Variants in LRRN2 observed in about 807,000 individuals in gnomAD.
LRRN2 encodes leucine-rich repeat neuronal protein 2.
LRRN2 carries 10 observed loss-of-function variants against 35.7 expected under a neutral mutation model. The ratio of observed to expected loss-of-function variants is 0.28; its 90% CI spans 0.17 to 0.47. LRRN2 has a LOEUF of 0.47. LRRN2 is among the 20% of genes least tolerant of loss of function. The pLI is 0.99. For missense variants in LRRN2, 731 were observed against 940.3 expected (o/e 0.78, Z 2.91); for synonymous variants, 391 against 409.6 (o/e 0.95, Z 0.55).
chr1:204,682,303 A>T (rs1668973380), intron 1 of LRRN2, among the ~76,000 whole-genome samples: 1 of 152,188 alleles, frequency 6.6e-6, no homozygotes, highest in South Asian at 2.1e-4. Flanking sequence ...TTCCTTCAGG[A>T]AGCCTTCCTT....
chr1:204,631,802 C>G (rs895553836), intron 1 of LRRN2, among the ~76,000 whole-genome samples: 3 of 152,134 alleles, frequency 2.0e-5, no homozygotes, highest in Non-Finnish European at 4.4e-5. Context: ...AAGTGAGTTC[C>G]AAGCAGTGAG....
At chr1:204,655,249 C>T (rs1668322970) in intron 1 of LRRN2, among the ~76,000 whole-genome samples, 1 of 152,202 alleles carries the variant, frequency 6.6e-6, no homozygotes, top group South Asian at 2.1e-4. Context: ...GGCATCCCTA[C>T]TTCAGGTCTC....
In LRRN2 at chr1:204,620,280, G is replaced by A. The variant is rs140123961; in HGVS notation, c.-226-62C>T. ...AGAAGCAGTATCTACCCCTCCTCCC[G>A]TGTTTGTTTGTTTGAGACAGAGTCT... On this transcript the variant is annotated intron_variant, in intron 1 of 1. Transcript: ENST00000367177. 1,015 of 1,193,856 alleles carry A rather than the reference G, an allele frequency of 8.5e-4. 4 individuals carry two copies. The African/African-American group carries it at 0.013, about 15-fold the overall frequency. 74.0% of individuals were successfully genotyped at this position (1,193,856 alleles called of 1,614,324 possible).
intron 1 of LRRN2, among the ~76,000 whole-genome samples, chr1:204,655,307 AG>A (rs56952945): frequency 0.063 from 9,648 of 152,174 alleles, 841 homozygotes; most frequent in African/African-American, 0.19. Flanking sequence ...TGTTTTCTTG[AG>A]ACAGGGTCTT....
intron 1 of LRRN2, among the ~76,000 whole-genome samples, chr1:204,632,482 T>C (rs1428463278): frequency 6.6e-6 from 1 of 150,522 alleles, no homozygotes; most frequent in Admixed American, 6.6e-5. Flanking sequence ...ATACAAAAAT[T>C]AGTGGGCCTG....
intron 1 of LRRN2, among the ~76,000 whole-genome samples, chr1:204,623,706 G>A (rs989001591): frequency 6.6e-6 from 1 of 152,224 alleles, no homozygotes; most frequent in East Asian, 1.9e-4. Context: ...ATCTCCAGGG[G>A]TGATCAGGAG....
Position 204,618,380 on chromosome 1 carries a change from G to A in LRRN2, c.1613C>T (p.Pro538Leu). The change falls in exon 2 of 2, where the codon CCC becomes CTC. Residue 538 changes from proline to leucine, a missense_variant. Pro to Leu is a moderately conservative substitution (Grantham distance 98). Coordinates refer to ENST00000367177, the MANE Select transcript of LRRN2 (RefSeq NM_201630.2). ...GLELRVQETHPYHILLSWVTP... is the reference protein window; with the variant it reads ...GLELRVQETHLYHILLSWVTP... ...GACCCAAGATAGCAGGATGTGATAG[G>A]GGTGGGTCTCCTGCACCCGGAGCTC... 1 of 1,609,850 alleles carries A rather than the reference G, an allele frequency of 6.2e-7. No individual in the cohort carries two copies. Among genetic ancestry groups the A allele is most frequent in the African/African-American group, 1.3e-5 (1 of 75,008 alleles).
At position 204,618,073 on chromosome 1, in the gene LRRN2, A is replaced by G; in HGVS notation, c.1920T>C (p.Leu640=). Residue 640 remains leucine (L), a synonymous_variant, in exon 2 of 2, where the codon CTT becomes CTC. Coordinates refer to ENST00000367177, the MANE Select transcript of LRRN2 (RefSeq NM_201630.2). Reference sequence around the variant, plus strand: ...GGGCCGCTAGCCCAGCTGCCAGGAGAAGGACAGCGAGAGCCAGGATGGCAA... The same window carrying G: ...GGGCCGCTAGCCCAGCTGCCAGGAGGAGGACAGCGAGAGCCAGGATGGCAA... ...GLIAILALAV[L]LLAAGLAAHL... is the part of the protein sequence containing the mutation. The G allele has an allele frequency of 6.2e-7, 1 of 1,613,880 alleles. No homozygotes were observed. The highest frequency in any genetic ancestry group is 8.5e-7 in the Non-Finnish European group (1 of 1,179,910).
rs1666514653 is a variant in LRRN2 at position 204,618,231 on chromosome 1, G to A, written c.1762C>T (p.Leu588Phe). 1 of 1,613,738 alleles carries A rather than the reference G, an allele frequency of 6.2e-7. No homozygotes were observed. The highest frequency in any genetic ancestry group is 8.5e-7 in the Non-Finnish European group (1 of 1,179,914). The change falls in exon 2 of 2, where the codon CTT becomes TTT. Residue 588 changes from leucine to phenylalanine, a missense_variant. Leu to Phe is a conservative substitution (Grantham distance 22). Transcript: ENST00000367177. ...GTHSYNITRL[L>F]QATEYWACLQ... ...CAGGCCCAGTACTCCGTGGCCTGAAGGAGGCGGGTAATGTTGTAGCTGTGG... is the reference window on the plus strand; with the variant it reads ...CAGGCCCAGTACTCCGTGGCCTGAAAGAGGCGGGTAATGTTGTAGCTGTGG...
chr1:204,658,745 T>C (rs1424272939), intron 1 of LRRN2, among the ~76,000 whole-genome samples: 1 of 152,228 alleles, frequency 6.6e-6, no homozygotes, highest in Non-Finnish European at 1.5e-5. Context: ...TTTTTCTTTC[T>C]CTATCAAGCC....
chr1:204,645,259 C>G (rs1199340604), intron 1 of LRRN2, among the ~76,000 whole-genome samples: 1 of 152,252 alleles, frequency 6.6e-6, no homozygotes, highest in African/African-American at 2.4e-5. Context: ...CCAGGTTGGT[C>G]TGGCCCTAGA....
rs145728217 is a variant in LRRN2 at position 204,671,377 on chromosome 1, G to A, written c.-227+13943C>T. On this transcript the variant is annotated intron_variant, in intron 1 of 1. Coordinates refer to ENST00000367177, the MANE Select transcript of LRRN2 (RefSeq NM_201630.2). ...AAGCTGGGTTGGTGATGGTGAGTTTGTAGAAGTAGCAATCTGTTTGTGTGT... is the reference window on the plus strand; with the variant it reads ...AAGCTGGGTTGGTGATGGTGAGTTTATAGAAGTAGCAATCTGTTTGTGTGT... Among the ~76,000 whole-genome samples the A allele has an allele frequency of 2.8e-4, 41 of 146,224 alleles. 1 individual carries two copies. In the East Asian group the frequency reaches 6.9e-3, roughly 25 times the overall value.
At chr1:204,633,849 G>A (rs985636370) in intron 1 of LRRN2, among the ~76,000 whole-genome samples, 1 of 152,238 alleles carries the variant, frequency 6.6e-6, no homozygotes, top group Non-Finnish European at 1.5e-5. Context: ...CAACCCAAGA[G>A]AAAGAAACTG....
intron 1 of LRRN2, among the ~76,000 whole-genome samples, chr1:204,655,691 C>T (rs1668334372): frequency 6.6e-6 from 1 of 151,940 alleles, no homozygotes; most frequent in Non-Finnish European, 1.5e-5. Flanking sequence ...CTCTGCCAGG[C>T]ACTGGGAATA....
Position 204,618,242 on chromosome 1 carries a change from ATGT to A in LRRN2, c.1748_1750del (p.Asn583del). 1.2e-6 allele frequency: 2 copies of A among 1,613,276 alleles called. No homozygotes were observed. Among genetic ancestry groups the A allele is most frequent in the Non-Finnish European group, 1.7e-6 (2 of 1,179,588 alleles). On this transcript the variant is annotated inframe_deletion, in exon 2 of 2. Transcript: ENST00000367177. ...CTCCGTGGCCTGAAGGAGGCGGGTA[ATGT>A]TGTAGCTGTGGGTTCCCCGAGGCAG...
In LRRN2 at chr1:204,617,934, C is replaced by A. The variant is rs554144498; in HGVS notation, c.2059G>T (p.Val687Phe). The A allele has an allele frequency of 1.9e-6, 3 of 1,614,008 alleles. No homozygotes were observed. The highest frequency in any genetic ancestry group is 2.7e-5 in the African/African-American group (2 of 75,046). ...PSVRVVSAPL[V>F]LPWNPGRKLP... ...TTCCTCCCTGGATTCCAGGGCAGGA[C>A]GAGGGGAGCAGACACAACCCGGACA... Residue 687 changes from valine to phenylalanine, a missense_variant, in exon 2 of 2, where the codon GTC becomes TTC. Val to Phe is a conservative substitution (Grantham distance 50). Transcript: ENST00000367177.
At chr1:204,668,145 C>T (rs1227242543) in intron 1 of LRRN2, among the ~76,000 whole-genome samples, 1 of 152,198 alleles carries the variant, frequency 6.6e-6, no homozygotes, top group East Asian at 1.9e-4. Context: ...TGGTCTGCTC[C>T]AAACCAAACT....
At chr1:204,623,968 G>A (rs974114412) in intron 1 of LRRN2, among the ~76,000 whole-genome samples, 2 of 152,220 alleles carry the variant, frequency 1.3e-5, no homozygotes, top group Admixed American at 6.5e-5. Flanking sequence ...AGTCAGAAAC[G>A]TTAGGTGATT....
chr1:204,629,999 C>T (rs1279708699), intron 1 of LRRN2, among the ~76,000 whole-genome samples: 2 of 152,164 alleles, frequency 1.3e-5, no homozygotes, highest in African/African-American at 4.8e-5. Flanking sequence ...GGTATATGCT[C>T]ACTACCAGGG....
Sources: gnomAD v4.1 joint callset for allele counts (sites outside exome capture counted in the v4.1 genomes callset) on GRCh38, gnomAD v4.1.1 for gene constraint, MANE v1.5 for transcripts, NCBI Gene and HGNC (gene_info 2026-07-23, HGNC 2026-07-21) for gene names.